The following PCDHGA4 variants were observed in gnomAD, a reference collection of about 807,000 sequenced individuals.
The protein encoded by PCDHGA4 is protocadherin gamma subfamily A, 4.
In PCDHGA4, 38 loss-of-function variants were observed where a neutral mutation model predicts 54.6. The ratio of observed to expected loss-of-function variants is 0.70; its 90% CI spans 0.54 to 0.91. The LOEUF (loss-of-function observed/expected upper bound fraction) is 0.91. Ranked by LOEUF, PCDHGA4 falls within the 40% of genes least tolerant of loss-of-function variation. The pLI, the probability that PCDHGA4 is intolerant of heterozygous loss-of-function variation, is 0.00. For missense variants in PCDHGA4, 1,298 were observed against 1,220.9 expected (o/e 1.06, Z -0.94); for synonymous variants, 511 against 512.9 (o/e 1.00, Z 0.05).
intron 1 of PCDHGA4, chr5:141,398,155 C>G (rs1238092530): frequency 1.3e-5 from 19 of 1,492,684 alleles, no homozygotes; most frequent in Non-Finnish European, 1.7e-5. Flanking sequence ...GGAGCTGGGC[C>G]GGGCTGAGAG....
intron 1 of PCDHGA4, chr5:141,408,313 T>G (rs375849626): frequency 6.2e-7 from 1 of 1,613,758 alleles, no homozygotes; most frequent in African/African-American, 1.3e-5. Flanking sequence ...GCTACTCGAT[T>G]CCGGAGGAGC....
intron 1 of PCDHGA4, chr5:141,372,478 C>A: frequency 6.2e-7 from 1 of 1,614,070 alleles, no homozygotes. Context: ...CTAGTAGTGG[C>A]GTTGGCCTTG....
At chr5:141,409,071 A>G in intron 1 of PCDHGA4, 4 of 1,613,996 alleles carry the variant, frequency 2.5e-6, no homozygotes, top group Non-Finnish European at 3.4e-6. Context: ...AGCACAAAAC[A>G]TATGTTCTCA....
chr5:141,510,814 C>CA, intron 3 of PCDHGA4, 133 bp from the exon 4 acceptor site: 1 of 1,544,688 alleles, frequency 6.5e-7, no homozygotes, highest in Admixed American at 1.8e-5. Flanking sequence ...TTGGTGACCC[C>CA]TATATTCCCA....
In PCDHGA4 at chr5:141,477,533, G is replaced by C. The variant is rs780541121; in HGVS notation, c.2515-17274G>C. On this transcript the variant is annotated intron_variant, in intron 1 of 3. Transcript: ENST00000571252. This position sits in a 1 kb window ranked among gnomAD's most constrained non-coding sequence, Gnocchi z 4.9. ...TTACATTGAAGAAAACAACCTCCCC[G>C]GGGCTCCAATACTAAACCTAAGTGT... The C allele has an allele frequency of 6.2e-7, 1 of 1,613,892 alleles. No individual in the cohort carries two copies. The highest frequency in any genetic ancestry group is 1.3e-5 in the African/African-American group (1 of 74,852).
chr5:141,474,488 A>C (rs2099350464), intron 1 of PCDHGA4, among the ~76,000 whole-genome samples: 1 of 152,208 alleles, frequency 6.6e-6, no homozygotes. Flanking sequence ...AATGTATTCT[A>C]TCTTCTAATG....
chr5:141,459,947 A>T (rs2098978538), intron 1 of PCDHGA4, among the ~76,000 whole-genome samples: 1 of 152,200 alleles, frequency 6.6e-6, no homozygotes, highest in African/African-American at 2.4e-5. Context: ...GCGTGATGGC[A>T]GGTGCCTGTA....
chr5:141,356,116 G>A lies in PCDHGA4; in HGVS notation c.1009G>A (p.Gly337Ser). 1 of 1,613,804 alleles carries A rather than the reference G, an allele frequency of 6.2e-7. No individual in the cohort carries two copies. The highest frequency in any genetic ancestry group is 1.1e-5 in the South Asian group (1 of 91,046). Reference sequence around the variant, plus strand: ...GAGTGGGGATATAACAATATTGGGGGGTCTAGATTATGAGGACTCTGGATT... The same window carrying A: ...GAGTGGGGATATAACAATATTGGGGAGTCTAGATTATGAGGACTCTGGATT... ...SLSGDITILG[G>S]LDYEDSGFYD... The change falls in exon 1 of 4, where the codon GGT (glycine) becomes AGT (serine). Residue 337 changes from glycine to serine, a missense_variant. By Grantham distance (56) the Gly-to-Ser change is moderately conservative. Coordinates refer to ENST00000571252, the MANE Select transcript of PCDHGA4 (RefSeq NM_018917.4).
chr5:141,455,753 G>T (rs2098830630), intron 1 of PCDHGA4, among the ~76,000 whole-genome samples: 1 of 152,074 alleles, frequency 6.6e-6, no homozygotes, highest in Non-Finnish European at 1.5e-5. Flanking sequence ...TGCTGGCCTG[G>T]CTCCTAGAGC....
At chr5:141,415,114 G>T in intron 1 of PCDHGA4, 5 of 1,613,648 alleles carry the variant, frequency 3.1e-6, no homozygotes, top group Non-Finnish European at 4.2e-6. Flanking sequence ...GCAAAGCCTC[G>T]TAGTGGCCGT....
In PCDHGA4 at chr5:141,382,919, G is replaced by A. The variant is rs1467219150; in HGVS notation, c.2514+25298G>A. 14 of 1,559,330 alleles carry A rather than the reference G, an allele frequency of 9.0e-6. No homozygotes were observed. Among genetic ancestry groups the A allele is most frequent in the Non-Finnish European group, 1.1e-5 (13 of 1,152,236 alleles). ...ACGACTATGGCGGCTCAGCCGAGGG[G>A]CGGGGACTACAGAGGATTCTTCCTG... On this transcript the variant is annotated intron_variant, in intron 1 of 3. Coordinates refer to ENST00000571252, the MANE Select transcript of PCDHGA4 (RefSeq NM_018917.4).
intron 1 of PCDHGA4, chr5:141,385,269 T>TAACATCCTTAGATGTTAGA (rs771830831): frequency 1.9e-4 from 313 of 1,614,062 alleles, no homozygotes; most frequent in Non-Finnish European, 2.4e-4. Context: ...AAAATGATTC[T>TAACATCCTTAGATGTTAGA]TTGCTAACAT....
At chr5:141,438,249 A>G (rs1166079222) in intron 1 of PCDHGA4, among the ~76,000 whole-genome samples, 2 of 152,168 alleles carry the variant, frequency 1.3e-5, no homozygotes, top group Non-Finnish European at 2.9e-5. Context: ...AAAAACTGTC[A>G]TTGAAGAGAC....
chr5:141,487,069 T>C lies in PCDHGA4; in HGVS notation c.2515-7738T>C, dbSNP rs750739955. 26 of 1,614,160 alleles carry C rather than the reference T, an allele frequency of 1.6e-5. No homozygotes were observed. Among genetic ancestry groups the C allele is most frequent in the Non-Finnish European group, 2.0e-5 (24 of 1,180,002 alleles). On this transcript the variant is annotated intron_variant, in intron 1 of 3. Transcript: ENST00000571252. This position sits in a 1 kb window ranked among gnomAD's most constrained non-coding sequence, Gnocchi z 5.0. The stretch of plus-strand genomic sequence containing the variant: ...ATGCTGGGGAGGTGCGGACGGCTGT[T>C]CCTATCCCAGCTGACCTCCCACCAC...
At chr5:141,383,843 A>G in intron 1 of PCDHGA4, 4 of 1,613,970 alleles carry the variant, frequency 2.5e-6, no homozygotes, top group Non-Finnish European at 2.5e-6. Flanking sequence ...ACTGCCTTCT[A>G]TGAAATGGAG....
rs200765071 is a variant in PCDHGA4 at position 141,374,360 on chromosome 5, G to A, written c.2514+16739G>A. 304 of 1,613,908 alleles carry A rather than the reference G, an allele frequency of 1.9e-4. No homozygotes were observed. The highest frequency in any genetic ancestry group is 4.2e-4 in the Admixed American group (25 of 60,006). On this transcript the variant is annotated intron_variant, in intron 1 of 3. Transcript: ENST00000571252. ...GGTCACCGCGGGTAGGATAGACCGC[G>A]AGGAGCTCTGTGCTCAGAGCCCGCG...
chr5:141,423,234 C>A (rs1408925478), intron 1 of PCDHGA4: 1 of 1,613,800 alleles, frequency 6.2e-7, no homozygotes, highest in Non-Finnish European at 8.5e-7. Context: ...CCGACAGCAT[C>A]CCCGAAGTCC....
intron 1 of PCDHGA4, among the ~76,000 whole-genome samples, chr5:141,445,711 G>A (rs978623618): frequency 1.3e-5 from 2 of 152,202 alleles, no homozygotes; most frequent in African/African-American, 4.8e-5. Context: ...TTGTCAGGCA[G>A]AGGAAATAGC....
intron 2 of PCDHGA4, among the ~76,000 whole-genome samples, chr5:141,497,905 C>T (rs1052659134): frequency 6.6e-6 from 1 of 152,178 alleles, no homozygotes; most frequent in Non-Finnish European, 1.5e-5. Context: ...GTAACTTCAA[C>T]TTCTCTCCTT....
Sources: gnomAD v4.1 joint callset for allele counts (sites outside exome capture counted in the v4.1 genomes callset) on GRCh38, gnomAD v4.1.1 for gene constraint, Gnocchi (gnomAD v3.1) non-coding constraint, MANE v1.5 for transcripts, NCBI Gene and HGNC (gene_info 2026-07-23, HGNC 2026-07-21) for gene names.